The following ARHGAP32 variants were observed in gnomAD, a reference collection of about 807,000 sequenced individuals.
ARHGAP32 encodes the protein Rho GTPase activating protein 32.
Under a neutral mutation model 186.5 loss-of-function variants are expected in ARHGAP32, and 51 were observed. That is an observed-to-expected ratio of 0.27 (90% CI 0.22 to 0.35). ARHGAP32 has a LOEUF of 0.35. ARHGAP32 is among the 10% of genes least tolerant of loss of function. The pLI is 1.00. For missense variants in ARHGAP32, 2,186 were observed against 2,623.5 expected (o/e 0.83, Z 3.64); for synonymous variants, 950 against 964.3 (o/e 0.99, Z 0.27).
At chr11:129,203,015 A>G (rs1362468022) in intron 1 of ARHGAP32, 2 of 152,266 alleles carry the variant, frequency 1.3e-5, no homozygotes, top group Non-Finnish European at 2.9e-5. Flanking sequence ...TACAGAGATT[A>G]GCACCGCCCC....
At chr11:129,193,681 A>G (rs7123884), upstream of ARHGAP32, among the ~76,000 whole-genome samples, 2 of 45,690 alleles carry the variant, frequency 4.4e-5, no homozygotes, top group African/African-American at 8.8e-5. Flanking sequence ...TATAATATAT[A>G]ATATATATTA....
rs536887149 is a variant in ARHGAP32, at chr11:129,242,247, G to A, written c.-5+36899C>T. Among the ~76,000 whole-genome samples, 4 of 152,090 alleles carry A rather than the reference G, an allele frequency of 2.6e-5. No homozygotes were observed. The South Asian group carries it at 6.2e-4, about 24-fold the overall frequency. ...TACTTGAACATACTTACTCAACCCC[G>A]CAAGTGATACCTCCTCCTAGCCCTG... On this transcript the variant is annotated intron_variant, in intron 1 of 6. Transcript: ENST00000525234.
intron 1 of ARHGAP32, among the ~76,000 whole-genome samples, chr11:129,270,909 T>C (rs1945465280): frequency 6.6e-6 from 1 of 152,082 alleles, no homozygotes; most frequent in Non-Finnish European, 1.5e-5. Flanking sequence ...GTTGGATGTT[T>C]AGCAGCCACT....
chr11:128,982,697 G>A (rs1337043789), intron 15 of ARHGAP32, among the ~76,000 whole-genome samples: 1 of 151,588 alleles, frequency 6.6e-6, no homozygotes, highest in Non-Finnish European at 1.5e-5. Context: ...GACCAGCCTG[G>A]GCAACACAGT....
intron 1 of ARHGAP32, among the ~76,000 whole-genome samples, chr11:129,179,618 A>T (rs1163154174): frequency 2.0e-5 from 3 of 152,018 alleles, no homozygotes; most frequent in Admixed American, 6.6e-5. Context: ...GCAGCCATAA[A>T]AAATGATGAG....
chr11:129,198,237 A>C lies in ARHGAP32; in HGVS notation c.-4-33810T>G, dbSNP rs1944418169. Among the ~76,000 whole-genome samples, 3 of 152,248 alleles carry C rather than the reference A, an allele frequency of 2.0e-5. No homozygotes were observed. In the South Asian group the frequency reaches 6.2e-4, roughly 31 times the overall value. On this transcript the variant is annotated intron_variant, in intron 1 of 6. Transcript: ENST00000525234. ...TTGCAAGGATATATGAATAAAAATC[A>C]CTTTCAAAAAGCTGTTCTTATAAAA...
At chr11:129,107,103 T>C (rs1466587607) in intron 5 of ARHGAP32, among the ~76,000 whole-genome samples, 4 of 152,170 alleles carry the variant, frequency 2.6e-5, no homozygotes, top group African/African-American at 9.6e-5. Context: ...TCAAAAACAT[T>C]ATAAGCTATT....
At chr11:129,033,794 C>T (rs550048211) in intron 11 of ARHGAP32, among the ~76,000 whole-genome samples, 1 of 152,132 alleles carries the variant, frequency 6.6e-6, no homozygotes, top group Middle Eastern at 3.4e-3. Flanking sequence ...TTTTTATATT[C>T]AGATGTCCAG....
chr11:129,048,597 C>T (rs1486963580), intron 10 of ARHGAP32, among the ~76,000 whole-genome samples: 2 of 151,782 alleles, frequency 1.3e-5, no homozygotes, highest in African/African-American at 4.8e-5. Context: ...CTAGAATCTA[C>T]ACTGGAAAAG....
intron 10 of ARHGAP32, among the ~76,000 whole-genome samples, chr11:129,058,347 A>C (rs1940350733): frequency 6.6e-6 from 1 of 152,162 alleles, no homozygotes; most frequent in Non-Finnish European, 1.5e-5. Context: ...GAATATATGA[A>C]GTACCAGGAA....
intron 1 of ARHGAP32, among the ~76,000 whole-genome samples, chr11:129,218,446 A>G (rs1944671896): frequency 1.5e-4 from 1 of 6,822 alleles, no homozygotes; most frequent in African/African-American, 7.9e-4. Flanking sequence ...CACTGCAGCT[A>G]ATCTCACACA....
At chr11:129,147,193 TAA>T (rs1404869460) in intron 2 of ARHGAP32, among the ~76,000 whole-genome samples, 4 of 152,092 alleles carry the variant, frequency 2.6e-5, no homozygotes, top group Non-Finnish European at 5.9e-5. Context: ...AAGAAATTAA[TAA>T]GAGTATAAAA....
At chr11:129,276,579 T>C (rs1203742574) in intron 1 of ARHGAP32, among the ~76,000 whole-genome samples, 1 of 152,204 alleles carries the variant, frequency 6.6e-6, no homozygotes, top group Non-Finnish European at 1.5e-5. Context: ...AGCATTTGAT[T>C]AGAGGTGTAA....
At chr11:128,983,328 G>A (rs920559349) in intron 15 of ARHGAP32, among the ~76,000 whole-genome samples, 2 of 152,134 alleles carry the variant, frequency 1.3e-5, no homozygotes, top group African/African-American at 2.4e-5. Context: ...AAGACAAACC[G>A]AAGTGAGGCT....
intron 1 of ARHGAP32, among the ~76,000 whole-genome samples, chr11:129,187,465 A>T (rs1944185640): frequency 1.3e-5 from 2 of 152,178 alleles, no homozygotes; most frequent in Admixed American, 1.3e-4. Flanking sequence ...TTGATAGCAC[A>T]ATAGGGTGAC....
rs1859161439 is a variant in ARHGAP32 at position 128,972,648 on chromosome 11, T to C, written c.3858A>G (p.Gln1286=). ...TYMTTTPATA[Q]MSTKEASWDV... ...CCCAGCTGGCTTCCTTGGTGCTCAT[T>C]TGGGCTGTTGCTGGAGTAGTTGTCA... is the stretch of plus-strand genomic sequence containing the variant. The change falls in exon 22 of 23, where the codon CAA becomes CAG. Residue 1286 remains glutamine (Q), a synonymous_variant. Transcript: ENST00000682385. The C allele has an allele frequency of 1.2e-6, 2 of 1,613,644 alleles. No individual in the cohort carries two copies. The highest frequency in any genetic ancestry group is 1.1e-5 in the South Asian group (1 of 90,986).
intron 1 of ARHGAP32, among the ~76,000 whole-genome samples, chr11:129,198,992 GT>G (rs1944426714): frequency 6.6e-6 from 1 of 152,190 alleles, no homozygotes; most frequent in Non-Finnish European, 1.5e-5. Context: ...CAGAGTAAAG[GT>G]GACCCTTGCT....
chr11:129,181,196 A>G (rs1944047135), intron 1 of ARHGAP32, among the ~76,000 whole-genome samples: 1 of 152,160 alleles, frequency 6.6e-6, no homozygotes, highest in Non-Finnish European at 1.5e-5. Flanking sequence ...CTGGCTCTGC[A>G]ACAGTTGTCG....
intron 1 of ARHGAP32, among the ~76,000 whole-genome samples, chr11:129,236,546 C>A (rs1944938247): frequency 6.6e-6 from 1 of 152,154 alleles, no homozygotes. Context: ...ATTTCTTTTG[C>A]TGTGCAAAAC....
Sources: allele counts gnomAD v4.1 joint callset (sites outside exome capture counted in the v4.1 genomes callset), GRCh38; gene constraint gnomAD v4.1.1; transcripts MANE v1.5; gene names NCBI Gene and HGNC (gene_info 2026-07-23, HGNC 2026-07-21).